Variants in MACF1 observed in about 807,000 individuals in gnomAD.
MACF1 encodes microtubule actin crosslinking factor 1.
Under a neutral mutation model 854.8 loss-of-function variants are expected in MACF1, and 193 were observed. That is an observed-to-expected ratio of 0.23 (90% CI 0.20 to 0.25). The LOEUF (loss-of-function observed/expected upper bound fraction) is 0.25, where lower values mean the gene tolerates loss of function less well. MACF1 is among the 10% of genes least tolerant of loss of function. The pLI, the probability that MACF1 is intolerant of heterozygous loss-of-function variation, is 1.00. For synonymous variants in MACF1, 3,185 were observed against 3,226.7 expected, an observed-to-expected ratio of 0.99 and a Z score of 0.44; for missense variants, 7,722 against 8,929.1, an observed-to-expected ratio of 0.86 and a Z score of 5.45.
chr1:39,290,601 T>G (rs1400840107), intron 15 of MACF1, among the ~76,000 whole-genome samples: 1 of 144,922 alleles, frequency 6.9e-6, no homozygotes, highest in African/African-American at 2.7e-5. Context: ...AAATCTGTTT[T>G]TTTTTTTTTT....
At chr1:39,212,106 G>A (rs1644523903) in intron 1 of MACF1, among the ~76,000 whole-genome samples, 1 of 151,894 alleles carries the variant, frequency 6.6e-6, no homozygotes, top group Admixed American at 6.6e-5. Flanking sequence ...GACCACATGT[G>A]GAAATACTGG....
At chr1:39,101,952 G>A (rs1242399619) in intron 2 of MACF1, among the ~76,000 whole-genome samples, 2 of 151,574 alleles carry the variant, frequency 1.3e-5, no homozygotes, top group Non-Finnish European at 2.9e-5. Flanking sequence ...CGATGCGGGC[G>A]GATCACGAGG....
At chr1:39,412,257 C>T (rs761973203) in intron 58 of MACF1, 7 of 1,613,800 alleles carry the variant, frequency 4.3e-6, no homozygotes, top group Non-Finnish European at 5.1e-6. Context: ...CAGATGTTAC[C>T]TCAGGACCTG....
At chr1:39,261,212 C>T (rs1307679010) in intron 6 of MACF1, among the ~76,000 whole-genome samples, 1 of 152,138 alleles carries the variant, frequency 6.6e-6, no homozygotes. Context: ...TCTCTGCTCC[C>T]TCCATTCTGT....
intron 2 of MACF1, among the ~76,000 whole-genome samples, chr1:39,098,555 C>A (rs1315777071): frequency 6.6e-6 from 1 of 152,210 alleles, no homozygotes; most frequent in African/African-American, 2.4e-5. Context: ...TTCCACGCCC[C>A]TTTGGGATAG....
At chr1:39,273,741 C>T (rs2148364456) in intron 6 of MACF1, among the ~76,000 whole-genome samples, 1 of 152,204 alleles carries the variant, frequency 6.6e-6, no homozygotes, top group South Asian at 2.1e-4. Context: ...CAGGCGCCTG[C>T]CACCATGCCC....
intron 23 of MACF1, 151 bp downstream of exon 23, chr1:39,303,229 A>G: frequency 1.3e-6 from 1 of 756,408 alleles, no homozygotes; most frequent in Non-Finnish European, 2.1e-6. Flanking sequence ...CAAGTCTCCT[A>G]CTACCAGCCA....
chr1:39,198,122 C>T (rs1485384174), intron 2 of MACF1, among the ~76,000 whole-genome samples: 9 of 152,156 alleles, frequency 5.9e-5, no homozygotes, highest in East Asian at 1.9e-4. Flanking sequence ...TACTTGAGCC[C>T]GGTAGTTTGA....
chr1:39,215,906 A>G (rs536426781), intron 1 of MACF1, among the ~76,000 whole-genome samples: 1 of 152,260 alleles, frequency 6.6e-6, no homozygotes, highest in African/African-American at 2.4e-5. Context: ...ACAGAGAGAG[A>G]AAAAGACTCA....
intron 2 of MACF1, among the ~76,000 whole-genome samples, chr1:39,119,813 ATAGTT>A (rs1642650525): frequency 6.6e-6 from 1 of 150,966 alleles, no homozygotes. Flanking sequence ...TGTCCATTTC[ATAGTT>A]TAAAGTGTTG....
chr1:39,434,751 CAGTT>C (rs1298057875), intron 69 of MACF1, 119 bp downstream of exon 69: 6 of 783,862 alleles, frequency 7.7e-6, no homozygotes, highest in East Asian at 2.7e-5. Context: ...AATTCTTAAT[CAGTT>C]AGAATTCCTT....
intron 1 of MACF1, among the ~76,000 whole-genome samples, chr1:39,227,324 A>T (rs1160858170): frequency 6.6e-6 from 1 of 151,986 alleles, no homozygotes; most frequent in African/African-American, 2.4e-5. Flanking sequence ...CCAATTGAGA[A>T]CGCTCTCCGG....
At chr1:39,222,773 A>G (rs1435983700) in intron 1 of MACF1, among the ~76,000 whole-genome samples, 1 of 152,154 alleles carries the variant, frequency 6.6e-6, no homozygotes, top group Non-Finnish European at 1.5e-5. Context: ...CAGCTGTGGT[A>G]TATCCTTTTT....
Position 39,442,456 on chromosome 1 carries a change from T to C in MACF1, c.18993T>C (p.His6331=). Residue 6331 remains histidine (H), a synonymous_variant, in exon 77 of 101, where the codon CAT becomes CAC. Coordinates refer to ENST00000564288, the MANE Select transcript of MACF1 (RefSeq NM_001394062.1). The part of the protein sequence containing the change: ...GALLALGQFQ[H]ALEELMSWLT... ...TGTTGGCCCTTGGTCAGTTCCAGCATGCCTTAGAGGAACTAATGAGTTGGC... is the reference window on the plus strand; with the variant it reads ...TGTTGGCCCTTGGTCAGTTCCAGCACGCCTTAGAGGAACTAATGAGTTGGC... 1 of 1,614,210 alleles carries C rather than the reference T, an allele frequency of 6.2e-7. No individual in the cohort carries two copies. The highest frequency in any genetic ancestry group is 8.5e-7 in the Non-Finnish European group (1 of 1,180,026).
intron 2 of MACF1, among the ~76,000 whole-genome samples, chr1:39,136,341 C>A (rs1038417664): frequency 6.6e-6 from 1 of 152,172 alleles, no homozygotes; most frequent in Non-Finnish European, 1.5e-5. Context: ...CTGAAAAAGT[C>A]CAGGAGCCTA....
intron 2 of MACF1, among the ~76,000 whole-genome samples, chr1:39,125,324 T>C (rs75407124): frequency 0.023 from 3,501 of 152,340 alleles, 81 homozygotes; most frequent in East Asian, 0.13. Flanking sequence ...AGCCACTTCC[T>C]GGCTATATGA....
rs1470697344 is a variant in MACF1 at position 39,474,089 on chromosome 1, G to A, written c.21958+4474G>A. Among the ~76,000 whole-genome samples, 3 of 151,840 alleles carry A rather than the reference G, an allele frequency of 2.0e-5. 1 individual carries two copies. The highest frequency in any genetic ancestry group is 2.0e-4 in the Admixed American group (3 of 15,254). ...GGCAACATAGCAAGACCCCATCTCT[G>A]TTTTAAAATAAAATACAGGCCGGGT... On this transcript the variant is annotated intron_variant, in intron 97 of 100. Coordinates refer to ENST00000564288, the MANE Select transcript of MACF1 (RefSeq NM_001394062.1).
At chr1:39,119,530 A>C (rs1201343521) in intron 2 of MACF1, among the ~76,000 whole-genome samples, 1 of 151,884 alleles carries the variant, frequency 6.6e-6, no homozygotes, top group Non-Finnish European at 1.5e-5. Flanking sequence ...CATATGATGC[A>C]CTTCATGAAT....
At chr1:39,215,376 A>G (rs1020793233) in intron 1 of MACF1, 2 of 152,216 alleles carry the variant, frequency 1.3e-5, no homozygotes, top group African/African-American at 4.8e-5. Flanking sequence ...TGGCCGAGTT[A>G]CCAAGATGAA....
Sources: gnomAD v4.1 joint callset for allele counts (sites outside exome capture counted in the v4.1 genomes callset) on GRCh38, gnomAD v4.1.1 for gene constraint, MANE v1.5 for transcripts, NCBI Gene and HGNC (gene_info 2026-07-23, HGNC 2026-07-21) for gene names.